Variants in ZNF474 observed in about 807,000 individuals in gnomAD.
ZNF474 encodes the protein zinc finger protein 474, also known as 4933409D10Rik.
For synonymous variants in ZNF474, 192 were observed against 162.2 expected (o/e 1.18, Z -1.39); for missense variants, 511 against 433.8 (o/e 1.18, Z -1.58).
intron 1 of ZNF474, among the ~76,000 whole-genome samples, chr5:122,138,731 A>G (rs186469223): frequency 6.6e-6 from 1 of 152,188 alleles, no homozygotes; most frequent in Admixed American, 6.6e-5. Flanking sequence ...CATCCCCTTG[A>G]CCCGGAAGAA....
In ZNF474 at chr5:122,152,697, T is replaced by C; in HGVS notation, c.707T>C (p.Leu236Pro). 1 of 1,614,198 alleles carries C rather than the reference T, an allele frequency of 6.2e-7. No homozygotes were observed. Among genetic ancestry groups the C allele is most frequent in the Admixed American group, 1.7e-5 (1 of 60,018 alleles). The part of the protein sequence containing the change: ...ICGKEFGTLS[L>P]PIHEPKCLEK... ...GGTAAGGAATTTGGCACCCTGTCCCTTCCTATTCATGAGCCCAAATGCCTG... is the reference window on the plus strand; with the variant it reads ...GGTAAGGAATTTGGCACCCTGTCCCCTCCTATTCATGAGCCCAAATGCCTG... Residue 236 changes from leucine (L) to proline (P), a missense_variant, in exon 2 of 2, where the codon CTT becomes CCT. Leu to Pro is a moderately conservative substitution (Grantham distance 98). Coordinates refer to ENST00000296600, the MANE Select transcript of ZNF474 (RefSeq NM_207317.3).
At chr5:122,131,347 A>G (rs565274398) in intron 1 of ZNF474, among the ~76,000 whole-genome samples, 35 of 151,566 alleles carry the variant, frequency 2.3e-4, no homozygotes, top group African/African-American at 8.0e-4. Flanking sequence ...TATATTAAAG[A>G]GATATCTACA....
At position 122,153,047 on chromosome 5, in the gene ZNF474, GA is replaced by G. The variant is rs1756240908; in HGVS notation, c.1058del (p.Asp353AlafsTer3). The G allele has an allele frequency of 6.2e-7, 1 of 1,613,696 alleles. No individual in the cohort carries two copies. The highest frequency in any genetic ancestry group is 8.5e-7 in the Non-Finnish European group (1 of 1,179,784). ...VTDKVIHATQ[D>X]ALGEPGGALC... ...TGATAAGGTAATTCATGCCACACAA[GA>G]CGCATTAGGTGAACCTGGTGGTGCC... On this transcript the variant is annotated frameshift_variant, in exon 2 of 2. Transcript: ENST00000296600. LOFTEE classifies it low-confidence loss of function (END_TRUNC).
chr5:122,135,535 C>T (rs1755679873), intron 1 of ZNF474, among the ~76,000 whole-genome samples: 1 of 152,152 alleles, frequency 6.6e-6, no homozygotes, highest in South Asian at 2.1e-4. Flanking sequence ...CCCTTGTACA[C>T]TGTTGGTAGG....
intron 1 of ZNF474, among the ~76,000 whole-genome samples, chr5:122,139,560 T>C (rs1755784039): frequency 6.6e-6 from 1 of 152,202 alleles, no homozygotes; most frequent in Admixed American, 6.5e-5. Context: ...TTTCATAATG[T>C]CTTCAGGTAG....
At chr5:122,149,912 T>TGTGC (rs1554065387) in intron 1 of ZNF474, among the ~76,000 whole-genome samples, 2 of 148,040 alleles carry the variant, frequency 1.4e-5, no homozygotes, top group Admixed American at 1.3e-4. Context: ...TGTGTGTGTG[T>TGTGC]GCGCGCGTGA....
At chr5:122,142,330 A>G (rs185829280) in intron 1 of ZNF474, among the ~76,000 whole-genome samples, 131 of 152,316 alleles carry the variant, frequency 8.6e-4, no homozygotes, top group Admixed American at 3.1e-3. Context: ...CCCATCCAAT[A>G]TCCTAATATT....
intron 1 of ZNF474, among the ~76,000 whole-genome samples, chr5:122,151,373 AG>A (rs1173552825): frequency 6.6e-6 from 1 of 152,176 alleles, no homozygotes; most frequent in Non-Finnish European, 1.5e-5. Flanking sequence ...TGTGGGGCCC[AG>A]GGGGTCTTTT....
chr5:122,135,575 G>C (rs1755680710), intron 1 of ZNF474, among the ~76,000 whole-genome samples: 1 of 152,194 alleles, frequency 6.6e-6, no homozygotes, highest in Non-Finnish European at 1.5e-5. Flanking sequence ...ACTATGAACA[G>C]TATGGAAGTT....
Position 122,151,792 on chromosome 5 carries a change from C to T in ZNF474, c.-199C>T. ...CCGCCTCCACAGATCTTGGAGACAT[C>T]TCAGCTTTAATGAGGACTTTCCAAC... On this transcript the variant is annotated 5_prime_UTR_variant, in exon 2 of 2. Coordinates refer to ENST00000296600, the MANE Select transcript of ZNF474 (RefSeq NM_207317.3). The T allele has an allele frequency of 1.7e-6, 1 of 583,012 alleles. No individual in the cohort carries two copies. The highest frequency in any genetic ancestry group is 2.9e-6 in the Non-Finnish European group (1 of 340,628). 36.1% of individuals were successfully genotyped at this position (583,012 alleles called of 1,614,324 possible).
chr5:122,149,310 C>T (rs1234433073), intron 1 of ZNF474, among the ~76,000 whole-genome samples: 1 of 152,114 alleles, frequency 6.6e-6, no homozygotes, highest in Admixed American at 6.5e-5. Context: ...AAAAAAAGTC[C>T]CCTGTCACTT....
At chr5:122,141,286 G>A (rs1329178881) in intron 1 of ZNF474, among the ~76,000 whole-genome samples, 22 of 145,784 alleles carry the variant, frequency 1.5e-4, no homozygotes, top group Admixed American at 8.9e-4. Flanking sequence ...GAGTAGCTGG[G>A]ATTACCCCTG....
At chr5:122,143,822 G>C (rs141485863) in intron 1 of ZNF474, among the ~76,000 whole-genome samples, 7 of 152,242 alleles carry the variant, frequency 4.6e-5, no homozygotes, top group African/African-American at 1.7e-4. Flanking sequence ...CTCATCTGGG[G>C]AGTCATTTAA....
At chr5:122,131,847 A>T (rs1264485324) in intron 1 of ZNF474, among the ~76,000 whole-genome samples, 1 of 152,008 alleles carries the variant, frequency 6.6e-6, no homozygotes, top group East Asian at 1.9e-4. Flanking sequence ...TTTCTTTTTA[A>T]TGTCTTTTTC....
At chr5:122,137,727 G>C (rs138019322) in intron 1 of ZNF474, among the ~76,000 whole-genome samples, 78 of 152,284 alleles carry the variant, frequency 5.1e-4, no homozygotes, top group Non-Finnish European at 9.1e-4. Flanking sequence ...CAGAGACTGA[G>C]GGAGGTACCA....
chr5:122,145,546 G>A (rs1052770887), intron 1 of ZNF474, among the ~76,000 whole-genome samples: 14 of 152,218 alleles, frequency 9.2e-5, no homozygotes, highest in Middle Eastern at 3.4e-3. Context: ...TGGCTTGGGG[G>A]TCAGCAGGTG....
chr5:122,145,676 C>T (rs985571881), intron 1 of ZNF474, among the ~76,000 whole-genome samples: 3 of 151,994 alleles, frequency 2.0e-5, no homozygotes, highest in Non-Finnish European at 2.9e-5. Context: ...TAAAGCACTG[C>T]GATAGTGTAA....
chr5:122,137,931 G>C (rs568879665), intron 1 of ZNF474, among the ~76,000 whole-genome samples: 1 of 152,358 alleles, frequency 6.6e-6, no homozygotes, highest in South Asian at 2.1e-4. Flanking sequence ...ACAGCCCACA[G>C]ATGCGAGGCG....
rs760332892 is a variant in ZNF474 at position 122,152,756 on chromosome 5, G to T, written c.766G>T (p.Val256Leu). Residue 256 changes from valine (V) to leucine (L), a missense_variant, in exon 2 of 2, where the codon GTG becomes TTG. Val to Leu is a conservative substitution (Grantham distance 32). Coordinates refer to ENST00000296600, the MANE Select transcript of ZNF474 (RefSeq NM_207317.3). ...KWKMENDRLPVELHQPLPQKP... is the reference protein window; with the variant it reads ...KWKMENDRLPLELHQPLPQKP... Reference sequence around the variant, plus strand: ...GAAAATGGAAAATGACCGGCTCCCTGTGGAGCTCCACCAGCCACTCCCACA... The same window carrying T: ...GAAAATGGAAAATGACCGGCTCCCTTTGGAGCTCCACCAGCCACTCCCACA... 9 of 1,614,110 alleles carry T rather than the reference G, an allele frequency of 5.6e-6. No individual in the cohort carries two copies. Among genetic ancestry groups the T allele is most frequent in the Non-Finnish European group, 6.8e-6 (8 of 1,180,024 alleles).
Sources: allele counts gnomAD v4.1 joint callset (sites outside exome capture counted in the v4.1 genomes callset), GRCh38; gene constraint gnomAD v4.1.1; transcripts MANE v1.5; gene names NCBI Gene and HGNC (gene_info 2026-07-23, HGNC 2026-07-21).